Variants in SACS observed in about 807,000 individuals in gnomAD.
SACS encodes the protein sacsin.
In SACS, 197 loss-of-function variants were observed where a neutral mutation model predicts 348.0. The observed-to-expected ratio is 0.57, with a 90% CI of 0.50 to 0.64. The LOEUF is 0.64. Ranked by LOEUF, SACS falls within the 30% of genes least tolerant of loss-of-function variation. The pLI is 0.00. For missense variants in SACS, 4,999 were observed against 5,360.8 expected, an observed-to-expected ratio of 0.93 and a Z score of 2.11; for synonymous variants, 1,985 against 1,910.6, an observed-to-expected ratio of 1.04 and a Z score of -1.02.
At chr13:23,382,757 TTTG>T (rs1872111997) in intron 2 of SACS, among the ~76,000 whole-genome samples, 2 of 151,476 alleles carry the variant, frequency 1.3e-5, no homozygotes, top group Non-Finnish European at 2.9e-5. Context: ...TTCTTTGTGT[TTTG>T]TTTTGTTTTG....
chr13:23,353,834 G>A lies in SACS; in HGVS notation c.2136C>T (p.Asn712=), dbSNP rs1209026575. 3 of 1,611,130 alleles carry A rather than the reference G, an allele frequency of 1.9e-6. No individual in the cohort carries two copies. Among genetic ancestry groups the A allele is most frequent in the Non-Finnish European group, 2.5e-6 (3 of 1,177,586 alleles). Residue 712 remains asparagine, a synonymous_variant, in exon 9 of 10, where the codon AAC becomes AAT. Transcript: ENST00000382292. ...AAGCAGCCACAAGGTGAGGTTTCAA[G>A]TTATCCAAAATAAATCTTCCTTCAA... is the stretch of plus-strand genomic sequence containing the variant. ...PSLEGRFILD[N]LKPHLVAALK... is the part of the protein sequence containing the mutation.
rs1868443311 is a variant in SACS at position 23,335,015 on chromosome 13, T to C, written c.8861A>G (p.Asp2954Gly). 1 of 1,613,744 alleles carries C rather than the reference T, an allele frequency of 6.2e-7. No homozygotes were observed. Residue 2954 changes from aspartate (D) to glycine (G), a missense_variant, in exon 10 of 10, where the codon GAC (aspartate) becomes GGC (glycine). Asp to Gly is a moderately conservative substitution (Grantham distance 94). This residue lies in a region of SACS where 734 missense variants were observed against 694.0 expected (regional missense o/e 1.06). Transcript: ENST00000382292. This position sits in a 1 kb window ranked among gnomAD's most constrained non-coding sequence, Gnocchi z 4.7. ...AAACGATAAAAACTTCTTTAAAGTG[T>C]CCTTTACAACATGAATAGGGGTGTT... ...LQNTPIHVVK[D>G]TLKKFLSFFP...
rs773383972 is a variant in SACS at position 23,375,124 on chromosome 13, G to C, written c.166C>G (p.Arg56Gly). The change falls in exon 3 of 10, where the codon CGC (arginine) becomes GGC (glycine). Residue 56 changes from arginine to glycine, a missense_variant. By Grantham distance (125) the Arg-to-Gly change is moderately radical. Around this residue, in one of 6 missense-constraint regions of SACS, gnomAD observed 3,156 missense variants for 3,380.1 expected, o/e 0.93. Transcript: ENST00000382292. ...VSEQRLWRGG[R>G]ELSDWIKIGD... ...CGCCCCCGGCCACCGCCTACCTCGCGGCCGCCGCGCCACAGCCGCTGCTCC... is the reference window on the plus strand; with the variant it reads ...CGCCCCCGGCCACCGCCTACCTCGCCGCCGCCGCGCCACAGCCGCTGCTCC... The C allele has an allele frequency of 6.7e-7, 1 of 1,495,278 alleles. No individual in the cohort carries two copies. The highest frequency in any genetic ancestry group is 8.9e-7 in the Non-Finnish European group (1 of 1,122,822). 92.6% of individuals were successfully genotyped at this position (1,495,278 alleles called of 1,614,324 possible).
intron 3 of SACS, among the ~76,000 whole-genome samples, chr13:23,372,474 A>G (rs1871454155): frequency 6.6e-6 from 1 of 152,218 alleles, no homozygotes; most frequent in Non-Finnish European, 1.5e-5. Context: ...CCTACTGAAC[A>G]TCACTATCTA....
At chr13:23,352,341 A>G (rs1273793106) in intron 9 of SACS, among the ~76,000 whole-genome samples, 1 of 152,266 alleles carries the variant, frequency 6.6e-6, no homozygotes, top group East Asian at 1.9e-4. Context: ...AGCCAGACGC[A>G]GAATATATGC....
At position 23,330,552 on chromosome 13, in the gene SACS, C is replaced by T; in HGVS notation, c.13324G>A (p.Gly4442Ser). 2 of 1,614,060 alleles carry T rather than the reference C, an allele frequency of 1.2e-6. No homozygotes were observed. The highest frequency in any genetic ancestry group is 1.7e-6 in the Non-Finnish European group (2 of 1,179,958). The change falls in exon 10 of 10, where the codon GGC (glycine) becomes AGC (serine). Residue 4442 changes from glycine (G) to serine (S), a missense_variant. By Grantham distance (56) the Gly-to-Ser change is moderately conservative (BLOSUM62 0). Coordinates refer to ENST00000382292, the MANE Select transcript of SACS (RefSeq NM_014363.6). ...FFVPPTFKSVGNPVEARRWLR... is the reference protein window; with the variant it reads ...FFVPPTFKSVSNPVEARRWLR... ...CATCTGCGTGCTTCCACTGGATTGC[C>T]AACCGACTTGAAAGTGGGAGGAACA...
chr13:23,405,015 C>T (rs1484170739), intron 2 of SACS, among the ~76,000 whole-genome samples: 1 of 152,156 alleles, frequency 6.6e-6, no homozygotes, highest in Non-Finnish European at 1.5e-5. Context: ...ATGCTGTCTC[C>T]ATCAAGCTAC....
At chr13:23,426,210 T>G (rs1010723362) in intron 1 of SACS, among the ~76,000 whole-genome samples, 1 of 152,150 alleles carries the variant, frequency 6.6e-6, no homozygotes, top group African/African-American at 2.4e-5. Flanking sequence ...TCAGTTAATT[T>G]ATAAAGTTTA....
At chr13:23,407,450 C>T (rs1873278199) in intron 2 of SACS, among the ~76,000 whole-genome samples, 1 of 152,170 alleles carries the variant, frequency 6.6e-6, no homozygotes, top group Non-Finnish European at 1.5e-5. Context: ...CTGCCCACCT[C>T]GGCCTCCCAA....
chr13:23,358,568 T>C, intron 6 of SACS, 87 bp from the exon 7 acceptor site: 1 of 1,434,822 alleles, frequency 7.0e-7, no homozygotes, highest in East Asian at 2.3e-5. Flanking sequence ...ACAAAATCTC[T>C]TATTCGAAGG....
intron 2 of SACS, among the ~76,000 whole-genome samples, chr13:23,383,848 A>T (rs1237185656): frequency 1.3e-5 from 2 of 152,186 alleles, no homozygotes; most frequent in Non-Finnish European, 2.9e-5. Context: ...GAGACATTCA[A>T]GAGCAGAAAA....
rs201762114 is a variant in SACS, at chr13:23,340,372, T to C, written c.3504A>G (p.Pro1168=). The C allele has an allele frequency of 2.5e-6, 4 of 1,614,082 alleles. No homozygotes were observed. The highest frequency in any genetic ancestry group is 3.4e-6 in the Non-Finnish European group (4 of 1,179,990). The change falls in exon 10 of 10, where the codon CCA becomes CCG. Residue 1168 remains proline, a synonymous_variant. Transcript: ENST00000382292. ...GATCTCCTTTCCAGACCAAAGAGCC[T>C]GGATAATTTGGAGGCCTTTCCTTGC... The part of the protein sequence containing the change: ...PACKERPPNY[P]GSLVWKGDLC...
chr13:23,394,673 G>A (rs1254434630), intron 2 of SACS, among the ~76,000 whole-genome samples: 1 of 152,130 alleles, frequency 6.6e-6, no homozygotes, highest in Non-Finnish European at 1.5e-5. Flanking sequence ...GGCCAACATG[G>A]TGAAACCCCA....
intron 1 of SACS, among the ~76,000 whole-genome samples, chr13:23,420,618 C>T (rs1463186812): frequency 6.6e-6 from 1 of 151,968 alleles, no homozygotes; most frequent in Non-Finnish European, 1.5e-5. Context: ...TCAGCTGGGC[C>T]CTGAAGTTCT....
At position 23,332,373 on chromosome 13, in the gene SACS, A is replaced by G. The variant is rs1349594894; in HGVS notation, c.11503T>C (p.Phe3835Leu). The part of the protein sequence containing the change: ...LYKLPLELGT[F>L]HQLFKHLGTE... ...CCTAAGTGTTTGAACAACTGGTGAA[A>G]TGTGCCAAGTTCTAAAGGTAGCTTG... Residue 3835 changes from phenylalanine (F) to leucine (L), a missense_variant, in exon 10 of 10, where the codon TTT becomes CTT. Phe to Leu is a conservative substitution (Grantham distance 22). This residue lies in a region of SACS where 831 missense variants were observed against 941.8 expected (regional missense o/e 0.88). Transcript: ENST00000382292. 2.5e-6 allele frequency: 4 copies of G among 1,614,048 alleles called. No homozygotes were observed. In the African/African-American group the frequency reaches 4.0e-5, roughly 16 times the overall value.
At chr13:23,402,977 C>T (rs1385542871) in intron 2 of SACS, among the ~76,000 whole-genome samples, 1 of 152,054 alleles carries the variant, frequency 6.6e-6, no homozygotes, top group Non-Finnish European at 1.5e-5. Flanking sequence ...GAGTTCGAGA[C>T]CAGCCTGGCC....
rs1869142197 is a variant in SACS, at chr13:23,340,876, T to G, written c.3000A>C (p.Glu1000Asp). Residue 1000 changes from glutamate to aspartate, a missense_variant, in exon 10 of 10, where the codon GAA becomes GAC. This residue lies in a region of SACS where 3,156 missense variants were observed against 3,380.1 expected (regional missense o/e 0.93). Transcript: ENST00000382292. ...CCTCTTCATGTGAATAAAATGCATT[T>G]TCAATATCTTTTAAAACAAGCTTTA... ...SCLKLVLKDI[E>D]NAFYSHEEVT... The G allele has an allele frequency of 1.2e-6, 2 of 1,609,620 alleles. No homozygotes were observed. Among genetic ancestry groups the G allele is most frequent in the Non-Finnish European group, 1.7e-6 (2 of 1,176,734 alleles).
intron 6 of SACS, among the ~76,000 whole-genome samples, chr13:23,359,565 G>T (rs1261069964): frequency 6.6e-6 from 1 of 152,074 alleles, no homozygotes; most frequent in Non-Finnish European, 1.5e-5. Context: ...CCTTCAAAAA[G>T]TAATATTTAT....
At position 23,338,090 on chromosome 13, in the gene SACS, C is replaced by T. The variant is rs1422351378; in HGVS notation, c.5786G>A (p.Arg1929Gln). Reference sequence around the variant, plus strand: ...TAGCTCCCCACTAGTGGCCAGGTCCCGTAAGACACTCAGTACCTGTAAGTA... The same window carrying T: ...TAGCTCCCCACTAGTGGCCAGGTCCTGTAAGACACTCAGTACCTGTAAGTA... ...KAYLQVLSVL[R>Q]DLATSGELMD... Residue 1929 changes from arginine (R) to glutamine (Q), a missense_variant, in exon 10 of 10, where the codon CGG becomes CAG. By Grantham distance (43) the Arg-to-Gln change is conservative. This residue lies in a region of SACS where 3,156 missense variants were observed against 3,380.1 expected (regional missense o/e 0.93). Coordinates refer to ENST00000382292, the MANE Select transcript of SACS (RefSeq NM_014363.6). The T allele has an allele frequency of 1.1e-5, 17 of 1,613,910 alleles. No individual in the cohort carries two copies. Among genetic ancestry groups the T allele is most frequent in the South Asian group, 5.5e-5 (5 of 91,082 alleles).
Sources: gnomAD v4.1 joint callset for allele counts (sites outside exome capture counted in the v4.1 genomes callset) on GRCh38, gnomAD v4.1.1 for gene constraint, gnomAD v4.1.1 regional missense constraint, Gnocchi (gnomAD v3.1) non-coding constraint, MANE v1.5 for transcripts, NCBI Gene and HGNC (gene_info 2026-07-23, HGNC 2026-07-21) for gene names.